RFX6: variants seen among roughly 807,000 people sequenced by gnomAD.
The protein encoded by RFX6 is regulatory factor X6.
Under a neutral mutation model 110.8 loss-of-function variants are expected in RFX6, and 50 were observed. That is an observed-to-expected ratio of 0.45 (90% CI 0.36 to 0.57). The LOEUF (loss-of-function observed/expected upper bound fraction) is 0.57, where lower values mean the gene tolerates loss of function less well. RFX6 is among the 20% of genes least tolerant of loss of function. The pLI is 0.00. For synonymous variants in RFX6, 383 were observed against 411.2 expected (o/e 0.93, Z 0.83); for missense variants, 990 against 1,127.0 (o/e 0.88, Z 1.74).
chr6:116,907,373 A>C (rs943145177), intron 6 of RFX6, among the ~76,000 whole-genome samples: 1 of 152,130 alleles, frequency 6.6e-6, no homozygotes, highest in Non-Finnish European at 1.5e-5. Flanking sequence ...TTGGCCTCAT[A>C]GAATAAGTTA....
intron 4 of RFX6, among the ~76,000 whole-genome samples, chr6:116,885,801 A>G (rs1443580152): frequency 1.3e-5 from 2 of 152,274 alleles, no homozygotes; most frequent in Non-Finnish European, 2.9e-5. Context: ...ACACTTTACC[A>G]TGCCACAATT....
chr6:116,883,674 A>G (rs1420014992), intron 4 of RFX6, among the ~76,000 whole-genome samples: 1 of 152,134 alleles, frequency 6.6e-6, no homozygotes, highest in Non-Finnish European at 1.5e-5. Context: ...TAGACTAGCC[A>G]CATTTCCTGT....
chr6:116,887,644 T>C (rs1774728235), intron 4 of RFX6, among the ~76,000 whole-genome samples: 2 of 152,226 alleles, frequency 1.3e-5, no homozygotes. Context: ...TGGTTATGAA[T>C]ACATTGAGAA....
intron 4 of RFX6, among the ~76,000 whole-genome samples, chr6:116,891,126 A>G (rs1408419426): frequency 6.6e-6 from 1 of 152,220 alleles, no homozygotes; most frequent in Non-Finnish European, 1.5e-5. Flanking sequence ...GACAGCAGGC[A>G]TCAGAAGGCC....
At chr6:116,910,890 T>C (rs1209898296) in intron 6 of RFX6, 45 bp from the exon 7 acceptor site, 1 of 1,218,266 alleles carries the variant, frequency 8.2e-7, no homozygotes. Flanking sequence ...TTTGGAAGCA[T>C]ATAGTTGATA....
intron 9 of RFX6, among the ~76,000 whole-genome samples, chr6:116,916,603 C>A (rs1442773685): frequency 2.0e-5 from 3 of 152,110 alleles, no homozygotes; most frequent in African/African-American, 4.8e-5. Flanking sequence ...TTTATTAACT[C>A]TCTAAGGTGT....
chr6:116,923,457 G>A, intron 14 of RFX6: 3 of 531,512 alleles, frequency 5.6e-6, no homozygotes, highest in African/African-American at 1.9e-5. Flanking sequence ...CATTGAAGAA[G>A]GGGAAGAATA....
At chr6:116,899,969 AAGT>A (rs1293388061) in intron 6 of RFX6, among the ~76,000 whole-genome samples, 2 of 152,328 alleles carry the variant, frequency 1.3e-5, no homozygotes, top group Non-Finnish European at 2.9e-5. Context: ...AGACCACAAT[AAGT>A]AGTAGAAGAT....
At chr6:116,904,694 G>A (rs1190527046) in intron 6 of RFX6, among the ~76,000 whole-genome samples, 1 of 151,964 alleles carries the variant, frequency 6.6e-6, no homozygotes, top group Non-Finnish European at 1.5e-5. Context: ...CATGTCCCTG[G>A]CCACTACCAT....
chr6:116,882,291 C>A, intron 3 of RFX6, 76 bp from the exon 4 acceptor site: 1 of 1,010,818 alleles, frequency 9.9e-7, no homozygotes, highest in East Asian at 2.4e-5. Context: ...TTACTTTCCC[C>A]AAGTAATTGG....
At chr6:116,904,992 A>C (rs552180976) in intron 6 of RFX6, among the ~76,000 whole-genome samples, 1 of 152,342 alleles carries the variant, frequency 6.6e-6, no homozygotes, top group East Asian at 1.9e-4. Flanking sequence ...TGGATGTACA[A>C]ATATCTCTTT....
chr6:116,908,541 A>C (rs1236353557), intron 6 of RFX6, among the ~76,000 whole-genome samples: 2 of 152,092 alleles, frequency 1.3e-5, no homozygotes, highest in South Asian at 2.1e-4. Context: ...TGAGTAAAAA[A>C]GGTGAGAGCA....
At chr6:116,923,350 A>G in intron 14 of RFX6, 126 bp downstream of exon 14, 1 of 714,032 alleles carries the variant, frequency 1.4e-6, no homozygotes, top group Non-Finnish European at 2.6e-6. Context: ...ATATGGAGCT[A>G]TGAGAAAATG....
At chr6:116,903,944 T>C (rs1582522192) in intron 6 of RFX6, among the ~76,000 whole-genome samples, 2 of 151,984 alleles carry the variant, frequency 1.3e-5, no homozygotes, top group East Asian at 3.8e-4. Context: ...TCCCAAGATA[T>C]ACTCATCTTT....
chr6:116,918,601 A>G (rs908319979), intron 10 of RFX6, among the ~76,000 whole-genome samples: 3 of 18,150 alleles, frequency 1.7e-4, no homozygotes, highest in African/African-American at 3.1e-4. Context: ...TAGAATTCTG[A>G]AAAAAAAAAG....
chr6:116,906,634 T>C (rs1172365145), intron 6 of RFX6, among the ~76,000 whole-genome samples: 1 of 152,092 alleles, frequency 6.6e-6, no homozygotes, highest in Admixed American at 6.6e-5. Flanking sequence ...GTAGATGAAA[T>C]TGTTTTCTTA....
chr6:116,886,491 C>T (rs2114665951), intron 4 of RFX6, among the ~76,000 whole-genome samples: 1 of 152,244 alleles, frequency 6.6e-6, no homozygotes, highest in East Asian at 1.9e-4. Context: ...ATATAAAACC[C>T]AAAGTTTGGA....
At chr6:116,890,803 T>C (rs753860455) in intron 4 of RFX6, among the ~76,000 whole-genome samples, 19 of 152,146 alleles carry the variant, frequency 1.2e-4, no homozygotes, top group Non-Finnish European at 1.9e-4. Context: ...ATATATAAAA[T>C]AGTTACTTTT....
In RFX6 at chr6:116,878,235, A is replaced by G. The variant is rs986969094; in HGVS notation, c.380+283A>G. Among the ~76,000 whole-genome samples, 9 of 152,198 alleles carry G rather than the reference A, an allele frequency of 5.9e-5. No homozygotes were observed. The East Asian group carries it at 1.7e-3, about 29-fold the overall frequency. On this transcript the variant is annotated intron_variant, in intron 2 of 18. Coordinates refer to ENST00000332958, the MANE Select transcript of RFX6 (RefSeq NM_173560.4). ...AATGTAAGCATTAATGAACGTTTTTATGACTTACTGGCTTAATATGCAATC... is the reference window on the plus strand; with the variant it reads ...AATGTAAGCATTAATGAACGTTTTTGTGACTTACTGGCTTAATATGCAATC...
Sources: allele counts gnomAD v4.1 joint callset (sites outside exome capture counted in the v4.1 genomes callset), GRCh38; gene constraint gnomAD v4.1.1; transcripts MANE v1.5; gene names NCBI Gene and HGNC (gene_info 2026-07-23, HGNC 2026-07-21).